Variants in CSMD3 observed in about 807,000 individuals in gnomAD.
The protein encoded by CSMD3 is CUB and Sushi multiple domains 3.
A neutral mutation model predicts 435.2 loss-of-function variants in CSMD3; 177 were observed. The ratio of observed to expected loss-of-function variants is 0.41; its 90% CI spans 0.36 to 0.46. The LOEUF (loss-of-function observed/expected upper bound fraction) is 0.46, where lower values mean the gene tolerates loss of function less well. CSMD3 is among the 20% of genes least tolerant of loss of function. CSMD3 has a pLI of 0.34. For synonymous variants in CSMD3, 1,656 were observed against 1,520.5 expected (o/e 1.09, Z -2.07); for missense variants, 4,265 against 4,504.6 (o/e 0.95, Z 1.52).
intron 5 of CSMD3, among the ~76,000 whole-genome samples, chr8:113,038,929 A>AT (rs1365194973): frequency 6.6e-6 from 1 of 152,162 alleles, no homozygotes; most frequent in Non-Finnish European, 1.5e-5. Flanking sequence ...TTTAAGGCTA[A>AT]TAACTATTAA....
At chr8:113,005,487 T>TA (rs932462585) in intron 6 of CSMD3, among the ~76,000 whole-genome samples, 2 of 151,760 alleles carry the variant, frequency 1.3e-5, no homozygotes, top group South Asian at 2.1e-4. Flanking sequence ...ATGTACGACT[T>TA]AAAAAAAATG....
At chr8:112,666,100 A>G (rs1209983102) in intron 17 of CSMD3, among the ~76,000 whole-genome samples, 177 bp downstream of exon 17, 1 of 152,150 alleles carries the variant, frequency 6.6e-6, no homozygotes, top group Non-Finnish European at 1.5e-5. Context: ...CACAAATAGA[A>G]AATTAACTTG....
intron 45 of CSMD3, among the ~76,000 whole-genome samples, chr8:112,321,800 T>C (rs1586763731): frequency 6.6e-6 from 1 of 152,144 alleles, no homozygotes; most frequent in Non-Finnish European, 1.5e-5. Context: ...AACACCACTG[T>C]ACAGAAGGGT....
intron 1 of CSMD3, among the ~76,000 whole-genome samples, chr8:113,356,810 C>A (rs1447730948): frequency 2.6e-5 from 4 of 151,926 alleles, no homozygotes; most frequent in Non-Finnish European, 5.9e-5. Context: ...TTAGGAGTTA[C>A]CTAAATGATG....
At chr8:113,160,695 A>C in intron 4 of CSMD3, among the ~76,000 whole-genome samples, 1 of 152,170 alleles carries the variant, frequency 6.6e-6, no homozygotes, top group African/African-American at 2.4e-5. Flanking sequence ...TTTTAAAAGA[A>C]CGCATAAAGA....
chr8:112,768,950 T>C (rs1473425424), intron 13 of CSMD3, among the ~76,000 whole-genome samples: 3 of 151,962 alleles, frequency 2.0e-5, no homozygotes, highest in Non-Finnish European at 4.4e-5. Context: ...GCAACCTCAA[T>C]GTTCAGCTAT....
chr8:112,798,131 T>G, intron 13 of CSMD3, among the ~76,000 whole-genome samples: 1 of 151,876 alleles, frequency 6.6e-6, no homozygotes, highest in East Asian at 1.9e-4. Context: ...GAAGAGTAAA[T>G]ATTTGAACTT....
At chr8:113,098,230 T>C (rs2090221907) in intron 5 of CSMD3, among the ~76,000 whole-genome samples, 1 of 152,030 alleles carries the variant, frequency 6.6e-6, no homozygotes, top group Non-Finnish European at 1.5e-5. Context: ...CATAATCTAC[T>C]CAATGATATA....
At chr8:112,379,549 T>G (rs138784995) in intron 38 of CSMD3, among the ~76,000 whole-genome samples, 1 of 151,962 alleles carries the variant, frequency 6.6e-6, no homozygotes, top group South Asian at 2.1e-4. Flanking sequence ...TAGAAATACA[T>G]CCCATTTTAT....
At position 112,486,441 on chromosome 8, in the gene CSMD3, C is replaced by T. The variant is rs7813788; in HGVS notation, c.5278+6048G>A. On this transcript the variant is annotated intron_variant, in intron 31 of 70. Coordinates refer to ENST00000297405, the MANE Select transcript of CSMD3 (RefSeq NM_198123.2). ...TATAAAATGAGAATATTAATAGTCTCTACTTCATGGCATTATGGTGAAACA... is the reference window on the plus strand; with the variant it reads ...TATAAAATGAGAATATTAATAGTCTTTACTTCATGGCATTATGGTGAAACA... Among the ~76,000 whole-genome samples, 1,310 of 152,084 alleles carry T rather than the reference C, an allele frequency of 8.6e-3. 18 individuals carry two copies. Among genetic ancestry groups the T allele is most frequent in the African/African-American group, 0.03 (1,264 of 41,526 alleles).
chr8:112,637,128 T>G (rs552647285), intron 21 of CSMD3, 123 bp from the exon 22 acceptor site: 5 of 745,450 alleles, frequency 6.7e-6, no homozygotes. Context: ...GAAGGGACTA[T>G]ATGAATAGCT....
At chr8:113,349,720 A>G (rs988235509) in intron 1 of CSMD3, among the ~76,000 whole-genome samples, 2 of 152,102 alleles carry the variant, frequency 1.3e-5, no homozygotes, top group Non-Finnish European at 2.9e-5. Flanking sequence ...TGTGCCCTTA[A>G]ATTGATATTA....
chr8:113,212,266 C>A (rs952573631), intron 3 of CSMD3, among the ~76,000 whole-genome samples: 1 of 152,074 alleles, frequency 6.6e-6, no homozygotes, highest in African/African-American at 2.4e-5. Context: ...ATAATAAAAT[C>A]TGCTGTGGTG....
chr8:112,503,865 T>C lies in CSMD3; in HGVS notation c.5008A>G (p.Ser1670Gly). ...DSKLPERIES[S>G]SNTMHLAFRS... ...AAAGCCAAATGCATTGTATTTGAGC[T>C]GCTTTCTATTCTCTCTGGTAACTTG... is the stretch of plus-strand genomic sequence containing the variant. The change falls in exon 30 of 71, where the codon AGC becomes GGC. Residue 1670 changes from serine (S) to glycine (G), a missense_variant. Physicochemically the swap from Ser to Gly is moderately conservative, Grantham distance 56. Coordinates refer to ENST00000297405, the MANE Select transcript of CSMD3 (RefSeq NM_198123.2). The C allele has an allele frequency of 6.2e-7, 1 of 1,613,262 alleles. No individual in the cohort carries two copies. The highest frequency in any genetic ancestry group is 8.5e-7 in the Non-Finnish European group (1 of 1,179,436).
chr8:113,348,290 TG>T (rs1372783034), intron 1 of CSMD3, among the ~76,000 whole-genome samples: 1 of 152,146 alleles, frequency 6.6e-6, no homozygotes, highest in Non-Finnish European at 1.5e-5. Flanking sequence ...GTGAGGTACC[TG>T]TTACTGTACA....
Position 113,280,854 on chromosome 8 carries a change from C to T in CSMD3, c.402-2150G>A, listed in dbSNP as rs573504803. 2.6e-5 allele frequency among the ~76,000 whole-genome samples: 4 copies of T among 151,698 alleles called. No individual in the cohort carries two copies. In the East Asian group the frequency reaches 7.7e-4, roughly 29 times the overall value. ...ATCACAGAGGTTTTGATACATCGTA[C>T]CATTATTGTCATTCAGTTCGAAGAA... On this transcript the variant is annotated intron_variant, in intron 2 of 70. Coordinates refer to ENST00000297405, the MANE Select transcript of CSMD3 (RefSeq NM_198123.2).
intron 13 of CSMD3, among the ~76,000 whole-genome samples, chr8:112,770,213 A>T (rs2078077734): frequency 6.6e-6 from 1 of 152,020 alleles, no homozygotes; most frequent in South Asian, 2.1e-4. Flanking sequence ...TCCAGAATTC[A>T]TGTTAAAATT....
At chr8:112,387,099 G>A (rs1830042881) in intron 36 of CSMD3, among the ~76,000 whole-genome samples, 1 of 151,946 alleles carries the variant, frequency 6.6e-6, no homozygotes, top group African/African-American at 2.4e-5. Context: ...TAGCTGCACT[G>A]GAATTCTCCA....
intron 13 of CSMD3, among the ~76,000 whole-genome samples, chr8:112,707,236 A>G (rs1563877279): frequency 6.6e-6 from 1 of 152,056 alleles, no homozygotes; most frequent in Non-Finnish European, 1.5e-5. Context: ...ATAATTTTGT[A>G]TATCTATAAA....
Sources: allele counts gnomAD v4.1 joint callset (sites outside exome capture counted in the v4.1 genomes callset), GRCh38; gene constraint gnomAD v4.1.1; transcripts MANE v1.5; gene names NCBI Gene and HGNC (gene_info 2026-07-23, HGNC 2026-07-21).